The following LINGO2 variants were observed in gnomAD, a reference collection of about 807,000 sequenced individuals.
LINGO2 encodes the protein leucine-rich repeat and immunoglobulin-like domain-containing nogo receptor-interacting protein 2.
LINGO2 carries 14 observed loss-of-function variants against 30.6 expected under a neutral mutation model. The ratio of observed to expected loss-of-function variants is 0.46; its 90% CI spans 0.30 to 0.72. The LOEUF is 0.72. Among genes scored for constraint, LINGO2 ranks in the 30% least tolerant of loss-of-function variants. The pLI, the probability that LINGO2 is intolerant of heterozygous loss-of-function variation, is 0.07. For missense variants in LINGO2, 729 were observed against 751.7 expected (o/e 0.97, Z 0.35); for synonymous variants, 317 against 288.5 (o/e 1.10, Z -1.00).
At chr9:28,051,770 G>C (rs936230784) in intron 4 of LINGO2, among the ~76,000 whole-genome samples, 2 of 151,870 alleles carry the variant, frequency 1.3e-5, no homozygotes, top group Admixed American at 6.6e-5. Flanking sequence ...GGAATTTCAG[G>C]AATTTGTAAG....
At chr9:28,510,104 G>C (rs1218521721) in intron 1 of LINGO2, among the ~76,000 whole-genome samples, 2 of 152,144 alleles carry the variant, frequency 1.3e-5, no homozygotes, top group African/African-American at 2.4e-5. Context: ...ATGTGAAAAA[G>C]TTAAATATAC....
intron 1 of LINGO2, among the ~76,000 whole-genome samples, chr9:28,644,698 G>C (rs1827757192): frequency 6.6e-6 from 1 of 151,956 alleles, no homozygotes; most frequent in African/African-American, 2.4e-5. Context: ...TAATTGGACT[G>C]TTTGTAAAGC....
At chr9:28,952,076 C>T in the LINGO2 span, among the ~76,000 whole-genome samples, 10 of 152,052 alleles carry the variant, frequency 6.6e-5, no homozygotes, top group South Asian at 1.5e-3. Context: ...CAGATAAGTG[C>T]GTGGATGGAG....
chr9:29,204,105 GAA>G, the LINGO2 span, among the ~76,000 whole-genome samples: 5 of 152,130 alleles, frequency 3.3e-5, no homozygotes, highest in African/African-American at 1.2e-4. Context: ...TTCAAAGTAA[GAA>G]AAGAGTATAA....
At chr9:28,093,607 A>C (rs1303614803) in intron 4 of LINGO2, among the ~76,000 whole-genome samples, 1 of 152,012 alleles carries the variant, frequency 6.6e-6, no homozygotes, top group Non-Finnish European at 1.5e-5. Context: ...ACATTATGAC[A>C]CCTTTTTAAC....
intron 1 of LINGO2, among the ~76,000 whole-genome samples, chr9:28,640,418 T>C (rs1193270788): frequency 3.3e-5 from 5 of 152,138 alleles, no homozygotes; most frequent in Non-Finnish European, 7.4e-5. Context: ...CAGAGTGTTT[T>C]CCAACTTGGT....
intron 2 of LINGO2, among the ~76,000 whole-genome samples, chr9:28,459,157 AATG>A (rs958320359): frequency 1.7e-4 from 26 of 152,148 alleles, no homozygotes; most frequent in African/African-American, 6.3e-4. Context: ...TTATGAAAAT[AATG>A]ATATTAGTAA....
chr9:29,042,380 A>C, the LINGO2 span, among the ~76,000 whole-genome samples: 3 of 151,942 alleles, frequency 2.0e-5, no homozygotes, highest in Non-Finnish European at 2.9e-5. Flanking sequence ...GTTCACACAA[A>C]AACCTGTATA....
chr9:28,021,938 C>T (rs1197911), intron 4 of LINGO2, among the ~76,000 whole-genome samples: 48,432 of 151,664 alleles, frequency 0.32, 8,781 homozygotes, highest in African/African-American at 0.49. Context: ...TAAAATGTTC[C>T]ATAATTACTG....
chr9:28,850,372 C>T, the LINGO2 span, among the ~76,000 whole-genome samples: 26 of 151,950 alleles, frequency 1.7e-4, no homozygotes, highest in South Asian at 3.5e-3. Flanking sequence ...CTCCTGGTTC[C>T]GTCTAGGGGC....
chr9:28,030,899 G>A (rs1358986968), intron 4 of LINGO2, among the ~76,000 whole-genome samples: 1 of 152,080 alleles, frequency 6.6e-6, no homozygotes, highest in African/African-American at 2.4e-5. Flanking sequence ...TCCTGTATTC[G>A]CTTGCATACC....
the LINGO2 span, among the ~76,000 whole-genome samples, chr9:29,091,993 G>T: frequency 6.6e-6 from 1 of 151,934 alleles, no homozygotes; most frequent in Non-Finnish European, 1.5e-5. Context: ...AGTTAGTCAC[G>T]TGGTAGTCCA....
intron 4 of LINGO2, among the ~76,000 whole-genome samples, chr9:28,061,281 C>T (rs192980040): frequency 4.7e-5 from 7 of 150,482 alleles, no homozygotes; most frequent in Admixed American, 1.3e-4. Context: ...AGGCCTTCAA[C>T]GTCTATTGGG....
At chr9:29,193,419 C>A in the LINGO2 span, among the ~76,000 whole-genome samples, 1 of 152,174 alleles carries the variant, frequency 6.6e-6, no homozygotes, top group Non-Finnish European at 1.5e-5. Context: ...CCTCTCCAGT[C>A]ATAATGATCC....
the LINGO2 span, among the ~76,000 whole-genome samples, chr9:28,810,872 A>C: frequency 6.6e-6 from 1 of 152,076 alleles, no homozygotes; most frequent in African/African-American, 2.4e-5. Flanking sequence ...GGGGTGAGTC[A>C]CATCCTCTGG....
At chr9:28,947,625 TG>T in the LINGO2 span, among the ~76,000 whole-genome samples, 1 of 151,752 alleles carries the variant, frequency 6.6e-6, no homozygotes, top group African/African-American at 2.4e-5. Flanking sequence ...ACTTGTAGAC[TG>T]GGTTACAAAA....
At chr9:28,032,607 C>T (rs762314105) in intron 4 of LINGO2, among the ~76,000 whole-genome samples, 9 of 152,192 alleles carry the variant, frequency 5.9e-5, no homozygotes, top group African/African-American at 9.7e-5. Context: ...TTTTTAGTCC[C>T]TTTTACAGAT....
At chr9:28,386,825 G>A (rs946506954) in intron 2 of LINGO2, among the ~76,000 whole-genome samples, 1 of 152,098 alleles carries the variant, frequency 6.6e-6, no homozygotes, top group Non-Finnish European at 1.5e-5. Flanking sequence ...AACAAAAAAG[G>A]AAACATGAAA....
At chr9:28,960,508 C>T in the LINGO2 span, among the ~76,000 whole-genome samples, 2 of 150,506 alleles carry the variant, frequency 1.3e-5, no homozygotes, top group African/African-American at 2.4e-5. Context: ...TTCTCTAAAA[C>T]GAACAAACAG....
Sources: allele counts gnomAD v4.1 joint callset (sites outside exome capture counted in the v4.1 genomes callset), GRCh38; gene constraint gnomAD v4.1.1; transcripts MANE v1.5; gene names NCBI Gene and HGNC (gene_info 2026-07-23, HGNC 2026-07-21).